The following APLP2 variants were observed in gnomAD, a reference collection of about 807,000 sequenced individuals.
The protein encoded by APLP2 is CDEI box-binding protein.
APLP2 carries 53 observed loss-of-function variants against 89.9 expected under a neutral mutation model. The observed-to-expected ratio is 0.59, with a 90% CI of 0.47 to 0.74. APLP2 has a LOEUF of 0.74. APLP2 is among the 30% of genes least tolerant of loss of function. APLP2 has a pLI of 0.00. For synonymous variants in APLP2, 372 were observed against 348.6 expected (o/e 1.07, Z -0.75); for missense variants, 973 against 975.9 (o/e 1.00, Z 0.04).
chr11:130,092,888 C>T (rs956438420), intron 1 of APLP2, among the ~76,000 whole-genome samples: 5 of 152,030 alleles, frequency 3.3e-5, no homozygotes, highest in African/African-American at 4.8e-5. Context: ...TCATCTTAGC[C>T]GGGAGGAGCC....
chr11:130,118,128 G>A (rs957551252), intron 3 of APLP2, among the ~76,000 whole-genome samples: 3 of 151,774 alleles, frequency 2.0e-5, no homozygotes, highest in African/African-American at 7.3e-5. Flanking sequence ...TAGATTAGTA[G>A]TGAAATTGCT....
intron 1 of APLP2, among the ~76,000 whole-genome samples, chr11:130,071,613 T>A (rs1941116552): frequency 6.6e-6 from 1 of 152,234 alleles, no homozygotes; most frequent in African/African-American, 2.4e-5. Flanking sequence ...TATGACTAAT[T>A]TGAGGCATTA....
Position 130,129,945 on chromosome 11 carries a change from T to C in APLP2, c.1456-93T>C, listed in dbSNP as rs569983380. On this transcript the variant is annotated intron_variant, in intron 10 of 16. Coordinates refer to ENST00000338167, the MANE Select transcript of APLP2 (RefSeq NM_001142276.2). ...TTCATTCTTGTGCCTAGCTGAGCTTTACATTCTTAAGTGAACTTTTTAAGC... is the reference window on the plus strand; with the variant it reads ...TTCATTCTTGTGCCTAGCTGAGCTTCACATTCTTAAGTGAACTTTTTAAGC... 13 of 1,429,186 alleles carry C rather than the reference T, an allele frequency of 9.1e-6. No homozygotes were observed. The African/African-American group carries it at 1.8e-4, about 20-fold the overall frequency. The allele number at this position is 1,429,186 out of a possible 1,614,324, so 88.5% of individuals were successfully genotyped here. A position where few individuals can be genotyped will look rare whatever the true frequency, so the allele number is the denominator to read the frequency against.
At chr11:130,105,546 A>G (rs908476786) in intron 1 of APLP2, among the ~76,000 whole-genome samples, 1 of 152,136 alleles carries the variant, frequency 6.6e-6, no homozygotes, top group Non-Finnish European at 1.5e-5. Context: ...ACAAGTTTTA[A>G]CTTAAGAACT....
At chr11:130,095,497 C>G (rs529190040) in intron 1 of APLP2, among the ~76,000 whole-genome samples, 3 of 152,276 alleles carry the variant, frequency 2.0e-5, no homozygotes, top group South Asian at 4.1e-4. Flanking sequence ...TGAAAAGATA[C>G]AGAAATAAAA....
At chr11:130,129,303 G>A in intron 10 of APLP2, 97 bp downstream of exon 10, 2 of 1,401,838 alleles carry the variant, frequency 1.4e-6, no homozygotes, top group Non-Finnish European at 1.9e-6. Context: ...TGTATGACAA[G>A]TTCTGGCAAA....
chr11:130,078,485 T>A (rs1019754745), intron 1 of APLP2, among the ~76,000 whole-genome samples: 2 of 152,172 alleles, frequency 1.3e-5, no homozygotes, highest in Non-Finnish European at 2.9e-5. Flanking sequence ...TTGTCTTTTC[T>A]TTTTCTTTTT....
At chr11:130,091,324 C>T (rs113157282) in intron 1 of APLP2, among the ~76,000 whole-genome samples, 34 of 144,840 alleles carry the variant, frequency 2.3e-4, no homozygotes, top group African/African-American at 7.8e-4. Context: ...GGGGCTGACA[C>T]CCCCACCTCC....
At chr11:130,096,030 TA>T (rs1946157264) in intron 1 of APLP2, among the ~76,000 whole-genome samples, 1 of 152,164 alleles carries the variant, frequency 6.6e-6, no homozygotes, top group African/African-American at 2.4e-5. Context: ...TTGAGAGAGA[TA>T]AAACCTGGAA....
At chr11:130,137,170 A>G (rs1231995159) in intron 13 of APLP2, 5 of 1,197,200 alleles carry the variant, frequency 4.2e-6, no homozygotes, top group Non-Finnish European at 6.1e-6. Flanking sequence ...AAATTCTAAG[A>G]TAGAAATTTT....
intron 10 of APLP2, 32 bp from the exon 11 acceptor site, chr11:130,130,006 C>G (rs1040487245): frequency 3.1e-6 from 5 of 1,608,648 alleles, no homozygotes; most frequent in Non-Finnish European, 4.3e-6. Flanking sequence ...TCTCTAGTCT[C>G]TGGATATTAA....
At chr11:130,083,018 TTTC>T (rs1467960919) in intron 1 of APLP2, among the ~76,000 whole-genome samples, 1 of 141,474 alleles carries the variant, frequency 7.1e-6, no homozygotes, top group Non-Finnish European at 1.5e-5. Flanking sequence ...CACTGAAACT[TTTC>T]TTTTCTTTTT....
intron 9 of APLP2, among the ~76,000 whole-genome samples, chr11:130,128,792 T>C (rs1950634532): frequency 1.3e-5 from 2 of 152,210 alleles, no homozygotes; most frequent in African/African-American, 4.8e-5. Context: ...CTAGCACTTG[T>C]AGTTACACAG....
chr11:130,118,552 T>A (rs1949476308), intron 3 of APLP2, among the ~76,000 whole-genome samples: 1 of 152,222 alleles, frequency 6.6e-6, no homozygotes, highest in African/African-American at 2.4e-5. Flanking sequence ...TTGCTTTTTG[T>A]CATAAATGAA....
chr11:130,091,911 C>A, intron 1 of APLP2, among the ~76,000 whole-genome samples: 1 of 130,422 alleles, frequency 7.7e-6, no homozygotes, highest in Admixed American at 7.2e-5. Flanking sequence ...CGGAGAGGCT[C>A]CTCACTTCTC....
chr11:130,127,218 T>C (rs537674501), intron 8 of APLP2, among the ~76,000 whole-genome samples: 1 of 152,200 alleles, frequency 6.6e-6, no homozygotes, highest in East Asian at 1.9e-4. Flanking sequence ...AGCAAACATG[T>C]ACTAATACAT....
intron 4 of APLP2, 59 bp downstream of exon 4, chr11:130,120,877 C>G: frequency 8.3e-7 from 1 of 1,198,704 alleles, no homozygotes; most frequent in African/African-American, 1.5e-5. Context: ...GGAAGTAGCA[C>G]TTTTCTCCAA....
At chr11:130,120,626 A>G (rs1949706755) in intron 3 of APLP2, 80 bp from the exon 4 acceptor site, 2 of 985,838 alleles carry the variant, frequency 2.0e-6, no homozygotes, top group Non-Finnish European at 3.2e-6. Context: ...TGTGTAGACT[A>G]TCATCATAAA....
chr11:130,094,110 A>G (rs376869785), intron 1 of APLP2, among the ~76,000 whole-genome samples: 4 of 142,612 alleles, frequency 2.8e-5, no homozygotes, highest in African/African-American at 8.0e-5. Context: ...CTGGAGTGCA[A>G]TGGGGCGATC....
Sources: gnomAD v4.1 joint callset for allele counts (sites outside exome capture counted in the v4.1 genomes callset) on GRCh38, gnomAD v4.1.1 for gene constraint, MANE v1.5 for transcripts, NCBI Gene and HGNC (gene_info 2026-07-23, HGNC 2026-07-21) for gene names.